SIRT5: variants seen among roughly 807,000 people sequenced by gnomAD.
The protein encoded by SIRT5 is sirtuin 5, also known as NAD-dependent protein deacylase sirtuin-5, mitochondrial.
SIRT5 carries 26 observed loss-of-function variants against 40.0 expected under a neutral mutation model. The ratio of observed to expected loss-of-function variants is 0.65; its 90% CI spans 0.48 to 0.90. The LOEUF (loss-of-function observed/expected upper bound fraction) is 0.90. Among genes scored for constraint, SIRT5 ranks in the 40% least tolerant of loss-of-function variants. The pLI is 0.00. For synonymous variants in SIRT5, 146 were observed against 149.1 expected, an observed-to-expected ratio of 0.98 and a Z score of 0.15; for missense variants, 401 against 402.4, an observed-to-expected ratio of 1.00 and a Z score of 0.03.
intron 4 of SIRT5, among the ~76,000 whole-genome samples, chr6:13,588,710 A>G (rs1375294975): frequency 6.6e-6 from 1 of 152,220 alleles, no homozygotes; most frequent in Non-Finnish European, 1.5e-5. Flanking sequence ...AGTTTCTCCT[A>G]ATAATTGTGT....
rs926490191 is a variant in SIRT5 at position 13,614,551 on chromosome 6, G to A, written c.*2686G>A. 6.6e-6 allele frequency: 1 copy of A among 152,132 alleles called. No individual in the cohort carries two copies. Among genetic ancestry groups the A allele is most frequent in the African/African-American group, 2.4e-5 (1 of 41,422 alleles). The allele number at this position is 152,132 out of a possible 1,614,324, so 9.4% of individuals were successfully genotyped here. Reference sequence around the variant, plus strand: ...TTTGCCAAGAAATAAAATATACTTGGAAAAAAAGTACGTATGTGTATATAC... The same window carrying A: ...TTTGCCAAGAAATAAAATATACTTGAAAAAAAAGTACGTATGTGTATATAC... On this transcript the variant is annotated 3_prime_UTR_variant, in exon 10 of 10. Transcript: ENST00000606117.
chr6:13,590,938 G>A (rs1460538269), intron 4 of SIRT5, among the ~76,000 whole-genome samples: 2 of 147,650 alleles, frequency 1.4e-5, no homozygotes, highest in Non-Finnish European at 3.0e-5. Flanking sequence ...GTAGATGTGT[G>A]TAGTTGTGTG....
intron 2 of SIRT5, among the ~76,000 whole-genome samples, chr6:13,582,223 G>A (rs1230119466): frequency 6.6e-6 from 1 of 152,108 alleles, no homozygotes; most frequent in African/African-American, 2.4e-5. Flanking sequence ...TCCTTACATA[G>A]CGTTTCCCAC....
intron 3 of SIRT5, among the ~76,000 whole-genome samples, chr6:13,587,001 C>T (rs75413593): frequency 6.6e-6 from 1 of 152,176 alleles, no homozygotes. Context: ...AGCCTCCCCT[C>T]ATTCATTCAG....
At chr6:13,609,673 T>C (rs1318520366) in intron 9 of SIRT5, among the ~76,000 whole-genome samples, 1 of 152,198 alleles carries the variant, frequency 6.6e-6, no homozygotes, top group Non-Finnish European at 1.5e-5. Context: ...TAATTTCAAA[T>C]AGCAATGTTT....
chr6:13,584,190 A>T lies in SIRT5; in HGVS notation c.80A>T (p.Asn27Ile). Residue 27 changes from asparagine (N) to isoleucine (I), a missense_variant, in exon 3 of 10, where the codon AAC (asparagine) becomes ATC (isoleucine). Physicochemically the swap from Asn to Ile is moderately radical, Grantham distance 149 (BLOSUM62 -3). Coordinates refer to ENST00000606117, the MANE Select transcript of SIRT5 (RefSeq NM_012241.5). The stretch of plus-strand genomic sequence containing the variant: ...CTGAAGCCTCCAGCGTCCACACGAA[A>T]CCAGATTTGCCTGAAAATGGCTCGG... ...CGLKPPASTR[N>I]QICLKMARPS... 6.2e-7 allele frequency: 1 copy of T among 1,614,136 alleles called. No individual in the cohort carries two copies. Among genetic ancestry groups the T allele is most frequent in the South Asian group, 1.1e-5 (1 of 91,082 alleles).
intron 3 of SIRT5, among the ~76,000 whole-genome samples, chr6:13,587,327 A>G (rs149600751): frequency 2.6e-5 from 4 of 152,246 alleles, no homozygotes; most frequent in African/African-American, 9.6e-5. Flanking sequence ...CGCTTACCTT[A>G]CAAGGGCCTG....
At chr6:13,580,457 G>A (rs921949752) in intron 2 of SIRT5, among the ~76,000 whole-genome samples, 2 of 151,648 alleles carry the variant, frequency 1.3e-5, no homozygotes. Flanking sequence ...TTACTCCCCC[G>A]ACCCCTGTCC....
rs116110163 is a variant in SIRT5, at chr6:13,611,828, A to C, written c.896A>C (p.Glu299Ala). 5 of 1,614,044 alleles carry C rather than the reference A, an allele frequency of 3.1e-6. No homozygotes were observed. Among genetic ancestry groups the C allele is most frequent in the Non-Finnish European group, 4.2e-6 (5 of 1,179,932 alleles). The change falls in exon 10 of 10, where the codon GAA (glutamate) becomes GCA (alanine). Residue 299 changes from glutamate (E) to alanine (A), a missense_variant. Physicochemically the swap from Glu to Ala is moderately radical, Grantham distance 107 (BLOSUM62 -1). Transcript: ENST00000606117. ...GGACCCTGTGGAACGACTCTTCCTG[A>C]AGCCCTTGCCTGTCATGAAAATGAA... ...FQGPCGTTLP[E>A]ALACHENETV...
At chr6:13,604,434 C>A (rs200551818) in intron 9 of SIRT5, 102 of 1,170,204 alleles carry the variant, frequency 8.7e-5, no homozygotes, top group Non-Finnish European at 1.3e-4. Context: ...AGGACCTGAG[C>A]TATGTCCCCA....
intron 2 of SIRT5, among the ~76,000 whole-genome samples, chr6:13,583,816 C>A (rs1224244793): frequency 6.6e-6 from 1 of 152,076 alleles, no homozygotes; most frequent in Admixed American, 6.5e-5. Context: ...CTAGGGAACA[C>A]GCTTTGAGAA....
At chr6:13,602,805 T>G (rs964889055) in intron 9 of SIRT5, among the ~76,000 whole-genome samples, 1 of 152,148 alleles carries the variant, frequency 6.6e-6, no homozygotes, top group African/African-American at 2.4e-5. Flanking sequence ...GACCTAAATG[T>G]AAGAGCTAAA....
chr6:13,599,217 C>T (rs1419997357), intron 8 of SIRT5, 62 bp downstream of exon 8: 1 of 1,544,946 alleles, frequency 6.5e-7, no homozygotes, highest in African/African-American at 1.4e-5. Flanking sequence ...TTCCTTCCCC[C>T]TCTCCTCTTT....
At chr6:13,581,206 C>G (rs1230672697) in intron 2 of SIRT5, among the ~76,000 whole-genome samples, 1 of 152,180 alleles carries the variant, frequency 6.6e-6, no homozygotes, top group Non-Finnish European at 1.5e-5. Flanking sequence ...CTACTAATGT[C>G]CCTTTTCAGG....
chr6:13,594,248 T>A (rs1050410658), intron 5 of SIRT5, among the ~76,000 whole-genome samples: 38 of 152,200 alleles, frequency 2.5e-4, no homozygotes, highest in African/African-American at 8.7e-4. Context: ...GATGATGATG[T>A]TACAGTCTCA....
chr6:13,596,844 TATTA>T, intron 6 of SIRT5, 115 bp from the exon 7 acceptor site: 6 of 722,932 alleles, frequency 8.3e-6, no homozygotes, highest in South Asian at 1.9e-5. Flanking sequence ...AGTGAGCATG[TATTA>T]ATTAGGAGTT....
intron 5 of SIRT5, 57 bp from the exon 6 acceptor site, chr6:13,595,420 G>A (rs1255268300): frequency 2.3e-6 from 3 of 1,288,960 alleles, no homozygotes; most frequent in Non-Finnish European, 3.4e-6. Context: ...TTTAGACATG[G>A]AGAAGGTTGC....
chr6:13,583,662 G>T (rs185930505), intron 2 of SIRT5, among the ~76,000 whole-genome samples: 99 of 152,332 alleles, frequency 6.5e-4, no homozygotes, highest in Non-Finnish European at 1.1e-3. Flanking sequence ...GTGCATTTTA[G>T]TGGTCCTCAA....
At chr6:13,605,473 A>C in intron 9 of SIRT5, 1 of 985,414 alleles carries the variant, frequency 1.0e-6, no homozygotes, top group Non-Finnish European at 1.2e-6. Flanking sequence ...CTAAATAGGC[A>C]GCTAGAATGC....
Sources: gnomAD v4.1 joint callset for allele counts (sites outside exome capture counted in the v4.1 genomes callset) on GRCh38, gnomAD v4.1.1 for gene constraint, MANE v1.5 for transcripts, NCBI Gene and HGNC (gene_info 2026-07-23, HGNC 2026-07-21) for gene names.